The following THRB variants were observed in gnomAD, a reference collection of about 807,000 sequenced individuals.
THRB encodes the protein thyroid hormone receptor beta.
Under a neutral mutation model 47.8 loss-of-function variants are expected in THRB, and 12 were observed. The observed-to-expected ratio is 0.25, with a 90% CI of 0.16 to 0.41. The LOEUF (loss-of-function observed/expected upper bound fraction) is 0.41. THRB is among the 10% of genes least tolerant of loss of function. THRB has a pLI of 1.00. For synonymous variants in THRB, 218 were observed against 212.2 expected (o/e 1.03, Z -0.24); for missense variants, 348 against 589.2 (o/e 0.59, Z 4.24).
intron 4 of THRB, among the ~76,000 whole-genome samples, chr3:24,215,217 G>A (rs2046435207): frequency 6.6e-6 from 1 of 152,172 alleles, no homozygotes; most frequent in South Asian, 2.1e-4. Context: ...CATTTCCCCA[G>A]AGTGTACCAT....
chr3:24,433,909 C>G (rs1001268823), intron 1 of THRB, among the ~76,000 whole-genome samples: 1 of 152,114 alleles, frequency 6.6e-6, no homozygotes, highest in Non-Finnish European at 1.5e-5. Context: ...GACAGCTGCT[C>G]GACTTCTCTA....
intron 5 of THRB, among the ~76,000 whole-genome samples, chr3:24,163,445 A>G (rs1268645473): frequency 1.3e-5 from 2 of 152,190 alleles, no homozygotes; most frequent in African/African-American, 4.8e-5. Context: ...TACAGTGAAA[A>G]GATAAAAGAG....
intron 1 of THRB, among the ~76,000 whole-genome samples, chr3:24,341,183 C>CTTTCATTTCCTTTCA (rs1559973194): frequency 1.1e-4 from 5 of 47,128 alleles, no homozygotes; most frequent in East Asian, 5.9e-4. Flanking sequence ...CTTTCCTTTC[C>CTTTCATTTCCTTTCA]TTTCGTTTCC....
chr3:24,369,756 T>G (rs2064767442), intron 1 of THRB, among the ~76,000 whole-genome samples: 1 of 152,188 alleles, frequency 6.6e-6, no homozygotes, highest in Non-Finnish European at 1.5e-5. Context: ...ATGACAAAAC[T>G]GAAACAACTG....
At chr3:24,234,080 A>G (rs897846163) in intron 3 of THRB, among the ~76,000 whole-genome samples, 1 of 152,216 alleles carries the variant, frequency 6.6e-6, no homozygotes, top group African/African-American at 2.4e-5. Context: ...ATCCTGCTGC[A>G]TGTCCCTCAC....
chr3:24,286,510 T>A (rs2055317899), intron 3 of THRB, among the ~76,000 whole-genome samples: 1 of 152,176 alleles, frequency 6.6e-6, no homozygotes, highest in Non-Finnish European at 1.5e-5. Context: ...GGTTTAAGAT[T>A]TCAGCCTCAA....
chr3:24,271,811 G>C (rs1160080075), intron 3 of THRB, among the ~76,000 whole-genome samples: 1 of 151,866 alleles, frequency 6.6e-6, no homozygotes, highest in Non-Finnish European at 1.5e-5. Flanking sequence ...TAATTTAATA[G>C]TCAGAGTACA....
At chr3:24,233,908 T>G (rs1229687480) in intron 3 of THRB, among the ~76,000 whole-genome samples, 1 of 152,192 alleles carries the variant, frequency 6.6e-6, no homozygotes, top group Non-Finnish European at 1.5e-5. Context: ...AGAAGATGCA[T>G]GTCTCATAGG....
intron 3 of THRB, among the ~76,000 whole-genome samples, chr3:24,285,281 AGG>A (rs2055146411): frequency 1.3e-5 from 2 of 152,060 alleles, no homozygotes; most frequent in African/African-American, 4.8e-5. Flanking sequence ...TGTCCTTTGT[AGG>A]GACATGGATG....
intron 1 of THRB, among the ~76,000 whole-genome samples, chr3:24,351,656 A>C (rs12630454): frequency 0.14 from 21,347 of 152,092 alleles, 1,715 homozygotes; most frequent in East Asian, 0.29. Context: ...CAAGTCCTTA[A>C]AACACACTCT....
chr3:24,185,588 G>A (rs2042467046), intron 5 of THRB, among the ~76,000 whole-genome samples: 1 of 152,184 alleles, frequency 6.6e-6, no homozygotes, highest in Non-Finnish European at 1.5e-5. Flanking sequence ...AGACATTTCT[G>A]TGAGATCACT....
At chr3:24,364,035 C>A (rs956170867) in intron 1 of THRB, among the ~76,000 whole-genome samples, 1 of 152,110 alleles carries the variant, frequency 6.6e-6, no homozygotes, top group African/African-American at 2.4e-5. Context: ...CTGTCTTGAA[C>A]TGCAAACATT....
intron 1 of THRB, among the ~76,000 whole-genome samples, chr3:24,363,653 G>A (rs1216263521): frequency 6.6e-6 from 1 of 152,094 alleles, no homozygotes; most frequent in African/African-American, 2.4e-5. Context: ...ATATAAGCAG[G>A]AAACATCTTT....
intron 2 of THRB, among the ~76,000 whole-genome samples, chr3:24,300,682 G>GCAGT (rs2056877577): frequency 6.6e-6 from 1 of 152,130 alleles, no homozygotes; most frequent in Non-Finnish European, 1.5e-5. Flanking sequence ...TCATCTAACT[G>GCAGT]CAGTGGTGGA....
intron 3 of THRB, among the ~76,000 whole-genome samples, chr3:24,258,524 G>T (rs1314799986): frequency 1.3e-5 from 2 of 152,106 alleles, no homozygotes; most frequent in East Asian, 3.9e-4. Context: ...GTACCATACG[G>T]GTAATCATCT....
chr3:24,464,194 C>T (rs1008431561), intron 1 of THRB, among the ~76,000 whole-genome samples: 3 of 149,506 alleles, frequency 2.0e-5, no homozygotes, highest in African/African-American at 7.4e-5. Context: ...TGCAGTGAGC[C>T]GAGATCGCGC....
intron 3 of THRB, among the ~76,000 whole-genome samples, chr3:24,256,881 T>C (rs1244734099): frequency 1.3e-5 from 2 of 152,186 alleles, no homozygotes; most frequent in Non-Finnish European, 2.9e-5. Context: ...CAGAGATATT[T>C]AGTAGGATTC....
chr3:24,186,531 G>A lies in THRB; in HGVS notation c.283+3543C>T, dbSNP rs149855671. Among the ~76,000 whole-genome samples the A allele has an allele frequency of 6.8e-4, 103 of 152,320 alleles. No individual in the cohort carries two copies. The South Asian group carries it at 0.017, about 25-fold the overall frequency. ...CCAGCAGATTCAACAGAGATCTGTT[G>A]TGAGATCTGCAACAGAATGTAAGGG... On this transcript the variant is annotated intron_variant, in intron 5 of 10. Transcript: ENST00000646209.
At chr3:24,491,109 C>A (rs1288843840) in intron 1 of THRB, among the ~76,000 whole-genome samples, 1 of 152,148 alleles carries the variant, frequency 6.6e-6, no homozygotes, top group Non-Finnish European at 1.5e-5. Flanking sequence ...CCTCCAGACC[C>A]CCTTTTTTTC....
Sources: allele counts gnomAD v4.1 joint callset (sites outside exome capture counted in the v4.1 genomes callset), GRCh38; gene constraint gnomAD v4.1.1; transcripts MANE v1.5; gene names NCBI Gene and HGNC (gene_info 2026-07-23, HGNC 2026-07-21).